The following ASMTL variants were observed in gnomAD, a reference collection of about 807,000 sequenced individuals.
ASMTL encodes the protein acetylserotonin O-methyltransferase like, also known as probable bifunctional dTTP/UTP pyrophosphatase/methyltransferase protein.
A neutral mutation model predicts 60.3 loss-of-function variants in ASMTL; 57 were observed. The ratio of observed to expected loss-of-function variants is 0.95; its 90% confidence interval spans 0.76 to 1.18. The LOEUF (loss-of-function observed/expected upper bound fraction) is 1.18. Among genes scored for constraint, ASMTL ranks in the 50% most tolerant of loss-of-function variants. The pLI is 0.00. For synonymous variants in ASMTL, 419 were observed against 373.0 expected (o/e 1.12, Z -1.42); for missense variants, 981 against 852.6 (o/e 1.15, Z -1.88).
intron 1 of ASMTL, among the ~76,000 whole-genome samples, chrX:1,449,595 A>ACCATCACCAGTAACTTCTCTG: frequency 6.6e-6 from 1 of 151,564 alleles, no homozygotes; most frequent in Non-Finnish European, 1.5e-5. Context: ...TAACTACCCT[A>ACCATCACCAGTAACTTCTCTG]CCATCACCAG....
At chrX:1,416,943 GAC>G (rs1172715171) in intron 11 of ASMTL, among the ~76,000 whole-genome samples, 2 of 149,474 alleles carry the variant, frequency 1.3e-5, no homozygotes, top group African/African-American at 4.9e-5. Context: ...CACGGACTCA[GAC>G]ACAGAGACAT....
chrX:1,430,534 G>C (rs2090741511), intron 6 of ASMTL, among the ~76,000 whole-genome samples: 1 of 151,974 alleles, frequency 6.6e-6, no homozygotes, highest in Admixed American at 6.6e-5. Flanking sequence ...TACTCAGGAG[G>C]CTTTGGTGGA....
Position 1,403,168 on chromosome X carries a change from A to G in ASMTL, c.*101T>C. 1 of 953,506 alleles carries G rather than the reference A, an allele frequency of 1.0e-6. No homozygotes were observed. Among genetic ancestry groups the G allele is most frequent in the South Asian group, 1.4e-5 (1 of 72,590 alleles). 59.1% of individuals were successfully genotyped at this position (953,506 alleles called of 1,614,324 possible). ...CTTTTGCTTTCTTTATTCAGTCACG[A>G]CTACACGCTCCTATGTGACTGTCCT... On this transcript the variant is annotated 3_prime_UTR_variant, in exon 13 of 13. Transcript: ENST00000381317.
intron 7 of ASMTL, among the ~76,000 whole-genome samples, chrX:1,426,511 C>T (rs1272581015): frequency 2.6e-5 from 4 of 152,182 alleles, no homozygotes; most frequent in Non-Finnish European, 5.9e-5. Context: ...AGGGCTGCAT[C>T]CCTTCTAGGC....
intron 9 of ASMTL, among the ~76,000 whole-genome samples, chrX:1,419,842 C>T (rs1310865234): frequency 6.6e-6 from 1 of 152,226 alleles, no homozygotes; most frequent in Non-Finnish European, 1.5e-5. Context: ...CTGCGATGCC[C>T]ACGCTGGCTG....
chrX:1,451,971 A>C, intron 1 of ASMTL, among the ~76,000 whole-genome samples: 1 of 121,726 alleles, frequency 8.2e-6, no homozygotes, highest in Non-Finnish European at 1.7e-5. Context: ...GTCCTGGGTT[A>C]CTCTCCCCAC....
rs1312464869 is a variant in ASMTL at position 1,419,546 on chromosome X, C to T, written c.1246-432G>A. 6.6e-5 allele frequency among the ~76,000 whole-genome samples: 10 copies of T among 152,080 alleles called. 1 individual carries two copies. The highest frequency in any genetic ancestry group is 2.6e-4 in the Admixed American group (4 of 15,272). ...GTGCGGTGTGCAGAGGGGGCTCCTC[C>T]GAGAATTCTGGTGTGCAGAGGAGAA... On this transcript the variant is annotated intron_variant, in intron 9 of 12. Transcript: ENST00000381317.
intron 3 of ASMTL, 118 bp from the exon 4 acceptor site, chrX:1,435,876 G>A: frequency 1.2e-6 from 1 of 865,906 alleles, no homozygotes; most frequent in Admixed American, 1.9e-5. Context: ...GACACGTCCT[G>A]AGAGTCGCCA....
chrX:1,416,479 A>G (rs1232504415), intron 11 of ASMTL, among the ~76,000 whole-genome samples: 1 of 151,308 alleles, frequency 6.6e-6, no homozygotes, highest in African/African-American at 2.4e-5. Context: ...ACACATGGAC[A>G]TACAGATACA....
In ASMTL at chrX:1,427,872, C is replaced by G; in HGVS notation, c.759G>C (p.Ala253=). ...CCTCGGCCTTCTCATCGCGGCTGCC[C>G]GCGTCCCTCTGAGTGGGCTCCGAGC... The part of the protein sequence containing the change: ...GGGSEPTQRD[A]GSRDEKAEAG... Residue 253 remains alanine (A), a synonymous_variant, in exon 7 of 13, where the codon GCG becomes GCC. Transcript: ENST00000381317. The G allele has an allele frequency of 6.2e-7, 1 of 1,613,222 alleles. No homozygotes were observed. The highest frequency in any genetic ancestry group is 1.1e-5 in the South Asian group (1 of 91,062).
Position 1,407,515 on chromosome X carries a change from T to TTG in ASMTL, c.1646-4027_1646-4026insCA, listed in dbSNP as rs1569530998. 9.0e-4 allele frequency among the ~76,000 whole-genome samples: 132 copies of TTG among 146,722 alleles called. 5 individuals are homozygous for TTG. Among genetic ancestry groups the TTG allele is most frequent in the African/African-American group, 3.2e-3 (126 of 38,926 alleles). On this transcript the variant is annotated intron_variant, in intron 12 of 12. Transcript: ENST00000381317. ...GATGAGATGGATGGATGGGTGAATA[T>TTG]ATGGTAGATGATGGGTAGGTAGATG...
At chrX:1,424,821 T>A (rs2090570829) in intron 8 of ASMTL, among the ~76,000 whole-genome samples, 1 of 138,642 alleles carries the variant, frequency 7.2e-6, no homozygotes, top group Admixed American at 7.1e-5. Context: ...CTTCCATTTA[T>A]CCATCCACCT....
intron 9 of ASMTL, 64 bp downstream of exon 9, chrX:1,421,594 G>T: frequency 6.4e-7 from 1 of 1,555,030 alleles, no homozygotes; most frequent in Non-Finnish European, 8.9e-7. Context: ...ACTGATCTGT[G>T]TGTCAAAGTG....
At position 1,421,599 on chromosome X, in the gene ASMTL, A is replaced by G. The variant is rs1192135582; in HGVS notation, c.1245+59T>C. The G allele has an allele frequency of 5.7e-6, 9 of 1,584,122 alleles. No individual in the cohort carries two copies. The Admixed American group carries it at 1.2e-4, about 21-fold the overall frequency. ...CAAGGTGCCTACTGATCTGTGTGTCAAAGTGTTTTAGCAAAATGCACGCTA... is the reference window on the plus strand; with the variant it reads ...CAAGGTGCCTACTGATCTGTGTGTCGAAGTGTTTTAGCAAAATGCACGCTA... On this transcript the variant is annotated intron_variant, in intron 9 of 12. Transcript: ENST00000381317.
chrX:1,430,583 C>T (rs140432396), intron 6 of ASMTL, among the ~76,000 whole-genome samples: 1,797 of 151,846 alleles, frequency 0.012, 47 homozygotes, highest in African/African-American at 0.041. Context: ...CCAGCCTGGG[C>T]AACATAGTGA....
At chrX:1,442,851 C>A (rs1207988829) in intron 1 of ASMTL, among the ~76,000 whole-genome samples, 2 of 152,176 alleles carry the variant, frequency 1.3e-5, no homozygotes, top group Non-Finnish European at 2.9e-5. Context: ...GAGGTAGTGA[C>A]CCCTGCAGAG....
At chrX:1,432,529 A>T in intron 5 of ASMTL, 152 bp from the exon 6 acceptor site, 1 of 683,816 alleles carries the variant, frequency 1.5e-6, no homozygotes, top group East Asian at 2.7e-5. Flanking sequence ...TTCATTTCGG[A>T]CAAGAAAAGG....
At chrX:1,424,062 C>A (rs2090546908) in intron 8 of ASMTL, among the ~76,000 whole-genome samples, 1 of 148,492 alleles carries the variant, frequency 6.7e-6, no homozygotes. Flanking sequence ...ACCCATCCAT[C>A]CACCCATCCA....
intron 11 of ASMTL, among the ~76,000 whole-genome samples, chrX:1,416,259 A>G (rs1458068571): frequency 2.0e-5 from 3 of 151,052 alleles, no homozygotes; most frequent in African/African-American, 7.4e-5. Flanking sequence ...ACAGACACGC[A>G]CGGACACACA....
Sources: allele counts gnomAD v4.1 joint callset (sites outside exome capture counted in the v4.1 genomes callset), GRCh38; gene constraint gnomAD v4.1.1; transcripts MANE v1.5; gene names NCBI Gene and HGNC (gene_info 2026-07-23, HGNC 2026-07-21).